Variants in ABCB4 observed in about 807,000 individuals in gnomAD.
The protein encoded by ABCB4 is phosphatidylcholine translocator ABCB4.
A neutral mutation model predicts 145.7 loss-of-function variants in ABCB4; 76 were observed. The observed-to-expected ratio is 0.52, with a 90% CI of 0.43 to 0.63. The LOEUF is 0.63. Ranked by LOEUF, ABCB4 falls within the 30% of genes least tolerant of loss-of-function variation. ABCB4 has a pLI of 0.00. For missense variants in ABCB4, 1,234 were observed against 1,553.1 expected (o/e 0.79, Z 3.45); for synonymous variants, 517 against 566.8 (o/e 0.91, Z 1.25).
downstream of ABCB4, among the ~76,000 whole-genome samples, chr7:87,397,643 G>T (rs1328494384): frequency 6.6e-6 from 1 of 152,204 alleles, no homozygotes; most frequent in Non-Finnish European, 1.5e-5. Flanking sequence ...GAATCACGAG[G>T]TGAAAACAAG....
intron 6 of ABCB4, among the ~76,000 whole-genome samples, chr7:87,452,210 A>G (rs1189435030): frequency 1.3e-5 from 2 of 152,136 alleles, no homozygotes; most frequent in African/African-American, 4.8e-5. Flanking sequence ...CCTATTCCCA[A>G]CCAAGTCTAT....
chr7:87,454,784 A>G (rs1812000938), intron 4 of ABCB4, among the ~76,000 whole-genome samples, 192 bp from the exon 5 acceptor site: 1 of 152,164 alleles, frequency 6.6e-6, no homozygotes, highest in South Asian at 2.1e-4. Context: ...AAAGAGCCCA[A>G]GGGTTTAGGT....
chr7:87,431,576 A>G lies in ABCB4; in HGVS notation c.1732-11T>C. The stretch of plus-strand genomic sequence containing the variant: ...CCGGCCTTCTCTGGCCTAAAAGAAC[A>G]AAAATGTGGTGCATCAGGGTTACAG... On this transcript the variant is annotated splice_polypyrimidine_tract_variant and intron_variant, in intron 14 of 27. Coordinates refer to ENST00000649586, the MANE Select transcript of ABCB4 (RefSeq NM_000443.4). 6.2e-7 allele frequency: 1 copy of G among 1,614,020 alleles called. No homozygotes were observed. Among genetic ancestry groups the G allele is most frequent in the Non-Finnish European group, 8.5e-7 (1 of 1,179,902 alleles).
downstream of ABCB4, chr7:87,398,381 T>C (rs1367310006): frequency 1.3e-4 from 130 of 968,182 alleles, no homozygotes; most frequent in Non-Finnish European, 1.6e-4. Context: ...TTACCTTCAA[T>C]TGTGTCAGGT....
chr7:87,390,321 A>G, the ABCB4 span, among the ~76,000 whole-genome samples: 18 of 152,282 alleles, frequency 1.2e-4, no homozygotes, highest in African/African-American at 4.3e-4. Flanking sequence ...TTTTTTACCT[A>G]ACGTTTCAGT....
chr7:87,417,422 G>C lies in ABCB4; in HGVS notation c.2572C>G (p.Leu858Val). The C allele has an allele frequency of 6.2e-7, 1 of 1,614,110 alleles. No individual in the cohort carries two copies. ...ISFIYGWQLT[L>V]LLLAVVPIIA... is the part of the protein sequence containing the mutation. ...ATTGGAACAACTGCTAATAGCAATAGGGTTAACTGCCAACCGTAGATAAAT... is the reference window on the plus strand; with the variant it reads ...ATTGGAACAACTGCTAATAGCAATACGGTTAACTGCCAACCGTAGATAAAT... The change falls in exon 21 of 28, where the codon CTA becomes GTA. Residue 858 changes from leucine to valine, a missense_variant. Physicochemically the swap from Leu to Val is conservative, Grantham distance 32. Coordinates refer to ENST00000649586, the MANE Select transcript of ABCB4 (RefSeq NM_000443.4).
rs761238221 is a variant in ABCB4 at position 87,439,752 on chromosome 7, C to A, written c.1646G>T (p.Arg549Leu). Residue 549 changes from arginine (R) to leucine (L), a missense_variant, in exon 14 of 28, where the codon CGC (arginine) becomes CTC (leucine). This residue lies in a region of ABCB4 where 467 missense variants were observed against 632.8 expected (regional missense o/e 0.74). Transcript: ENST00000649586. ...QRIAIARALVRNPKILLLDEA... is the reference protein window; with the variant it reads ...QRIAIARALVLNPKILLLDEA... The stretch of plus-strand genomic sequence containing the variant: ...ATCCAGCAGAAGGATCTTGGGGTTG[C>A]GAACCAGGGCACGTGCAATGGCGAT... 1.2e-6 allele frequency: 2 copies of A among 1,614,114 alleles called. No homozygotes were observed. The highest frequency in any genetic ancestry group is 1.7e-6 in the Non-Finnish European group (2 of 1,180,016).
intron 21 of ABCB4, among the ~76,000 whole-genome samples, chr7:87,416,614 T>A (rs1015640305): frequency 2.6e-5 from 4 of 152,264 alleles, no homozygotes; most frequent in Admixed American, 2.6e-4. Flanking sequence ...TAAACACATA[T>A]AAAGAGACCA....
chr7:87,428,032 CA>C (rs752144271), intron 15 of ABCB4, among the ~76,000 whole-genome samples: 9 of 152,064 alleles, frequency 5.9e-5, no homozygotes, highest in African/African-American at 9.7e-5. Context: ...ACTACCTGCC[CA>C]AGCCTGGATC....
At chr7:87,386,975 T>G in the ABCB4 span, among the ~76,000 whole-genome samples, 6 of 152,160 alleles carry the variant, frequency 3.9e-5, no homozygotes, top group Non-Finnish European at 8.8e-5. Flanking sequence ...TGCCTTGATC[T>G]CACTTCTTTC....
chr7:87,452,523 G>A (rs1249248749), intron 6 of ABCB4: 12 of 246,732 alleles, frequency 4.9e-5, no homozygotes, highest in Middle Eastern at 1.4e-3. Flanking sequence ...GATATATTAC[G>A]AACACACAGA....
intron 23 of ABCB4, among the ~76,000 whole-genome samples, chr7:87,411,125 A>G (rs1808588487): frequency 6.6e-6 from 1 of 152,068 alleles, no homozygotes; most frequent in South Asian, 2.1e-4. Flanking sequence ...TACAAAGATT[A>G]TATAGATACA....
chr7:87,406,206 C>G (rs1054039889), intron 26 of ABCB4, 82 bp downstream of exon 26: 1 of 1,406,890 alleles, frequency 7.1e-7, no homozygotes, highest in Non-Finnish European at 1.0e-6. Flanking sequence ...TATTTTGTTA[C>G]AAGATTTTGT....
chr7:87,366,245 T>C, the ABCB4 span, among the ~76,000 whole-genome samples: 1 of 152,124 alleles, frequency 6.6e-6, no homozygotes, highest in East Asian at 1.9e-4. Flanking sequence ...AGGGGGAATT[T>C]TTTTTTTCTT....
intron 15 of ABCB4, among the ~76,000 whole-genome samples, chr7:87,427,933 G>C (rs936321879): frequency 1.3e-5 from 2 of 151,986 alleles, no homozygotes; most frequent in South Asian, 4.1e-4. Context: ...CTTTGTAATT[G>C]ATCCCTTGCA....
the ABCB4 span, among the ~76,000 whole-genome samples, chr7:87,370,016 G>A: frequency 4.0e-5 from 6 of 151,896 alleles, no homozygotes; most frequent in African/African-American, 1.2e-4. Context: ...CATAGTCAAT[G>A]CTGTTTCAAC....
the ABCB4 span, chr7:87,375,860 G>A: frequency 6.2e-7 from 1 of 1,613,520 alleles, no homozygotes; most frequent in Non-Finnish European, 8.5e-7. Flanking sequence ...TTGATCCAGA[G>A]AACTTGGCTT....
At chr7:87,371,831 A>T in the ABCB4 span, among the ~76,000 whole-genome samples, 4 of 152,012 alleles carry the variant, frequency 2.6e-5, no homozygotes, top group African/African-American at 9.7e-5. Context: ...TCTCTATAAA[A>T]AGTTAAAAAA....
intron 27 of ABCB4, among the ~76,000 whole-genome samples, chr7:87,402,576 A>G (rs1385592092): frequency 2.0e-5 from 3 of 152,174 alleles, no homozygotes; most frequent in Non-Finnish European, 4.4e-5. Flanking sequence ...TTCCCTTTTG[A>G]GTATTTTCCA....
Sources: allele counts gnomAD v4.1 joint callset (sites outside exome capture counted in the v4.1 genomes callset), GRCh38; gene constraint gnomAD v4.1.1; regional missense constraint gnomAD v4.1.1; transcripts MANE v1.5; gene names NCBI Gene and HGNC (gene_info 2026-07-23, HGNC 2026-07-21).